SRGAP1: variants seen among roughly 807,000 people sequenced by gnomAD.
SRGAP1 encodes SLIT-ROBO Rho GTPase-activating protein 1.
In SRGAP1, 43 loss-of-function variants were observed where a neutral mutation model predicts 121.9. That is an observed-to-expected ratio of 0.35 (90% CI 0.28 to 0.46). The LOEUF is 0.46. Among genes scored for constraint, SRGAP1 ranks in the 20% least tolerant of loss-of-function variants. SRGAP1 has a pLI of 1.00. For missense variants in SRGAP1, 1,102 were observed against 1,350.9 expected (o/e 0.82, Z 2.89); for synonymous variants, 447 against 485.4 (o/e 0.92, Z 1.04).
chr12:63,877,387 T>C lies in SRGAP1; in HGVS notation c.67+32504T>C, dbSNP rs564181818. ...AGGTATTTTTTCCCTTTGGGAAAAT[T>C]TAAATGCACGTTGTTCTTCTGGAAA... On this transcript the variant is annotated intron_variant, in intron 1 of 21. Transcript: ENST00000355086. 5.3e-5 allele frequency among the ~76,000 whole-genome samples: 8 copies of C among 152,334 alleles called. No homozygotes were observed. The South Asian group carries it at 8.3e-4, about 16-fold the overall frequency.
intron 12 of SRGAP1, among the ~76,000 whole-genome samples, chr12:64,093,866 A>T (rs1358142626): frequency 6.6e-6 from 1 of 152,194 alleles, no homozygotes; most frequent in African/African-American, 2.4e-5. Flanking sequence ...TACCCATTCC[A>T]GGAATAGTAA....
At chr12:63,866,770 A>T (rs949769099) in intron 1 of SRGAP1, among the ~76,000 whole-genome samples, 4 of 150,882 alleles carry the variant, frequency 2.7e-5, no homozygotes, top group Non-Finnish European at 5.9e-5. Context: ...CATCTATACC[A>T]GTGCTACTCA....
At chr12:63,979,847 GGT>G (rs1352450210) in intron 1 of SRGAP1, among the ~76,000 whole-genome samples, 7 of 152,124 alleles carry the variant, frequency 4.6e-5, no homozygotes, top group Admixed American at 3.3e-4. Context: ...AGAATCTAGG[GGT>G]AGGAAGGAAG....
At chr12:63,904,757 C>G (rs529145633) in intron 1 of SRGAP1, among the ~76,000 whole-genome samples, 130 of 152,040 alleles carry the variant, frequency 8.6e-4, no homozygotes, top group African/African-American at 3.0e-3. Context: ...TTTGGGAGAC[C>G]CCCATCTCTA....
chr12:63,902,995 T>C (rs2030008042), intron 1 of SRGAP1, among the ~76,000 whole-genome samples: 1 of 152,202 alleles, frequency 6.6e-6, no homozygotes, highest in Admixed American at 6.5e-5. Flanking sequence ...ACAGAACATT[T>C]AGAACAATTT....
intron 1 of SRGAP1, chr12:63,888,386 G>A (rs1201640133): frequency 2.0e-5 from 3 of 152,040 alleles, no homozygotes; most frequent in African/African-American, 4.8e-5. Flanking sequence ...TCTGCATATA[G>A]AGATTAGCTC....
intron 6 of SRGAP1, among the ~76,000 whole-genome samples, chr12:64,045,549 C>T (rs2136510224): frequency 6.6e-6 from 1 of 152,040 alleles, no homozygotes; most frequent in South Asian, 2.1e-4. Context: ...AATTCTCCTG[C>T]CTCAGCCTCT....
chr12:64,128,964 A>C (rs1240384935), intron 21 of SRGAP1, among the ~76,000 whole-genome samples: 2 of 152,142 alleles, frequency 1.3e-5, no homozygotes, highest in Non-Finnish European at 2.9e-5. Context: ...AGCACAGGCC[A>C]TGAGAACATA....
At chr12:63,871,415 T>C (rs1182632664) in intron 1 of SRGAP1, among the ~76,000 whole-genome samples, 1 of 152,232 alleles carries the variant, frequency 6.6e-6, no homozygotes. Flanking sequence ...AATGGTTCAA[T>C]TTCCCTGCAA....
chr12:64,074,690 G>A (rs1193917877), intron 8 of SRGAP1, among the ~76,000 whole-genome samples: 1 of 151,992 alleles, frequency 6.6e-6, no homozygotes, highest in Non-Finnish European at 1.5e-5. Context: ...TTACATGTTT[G>A]TCAATTTCAA....
intron 1 of SRGAP1, among the ~76,000 whole-genome samples, chr12:63,925,480 A>G (rs2031223664): frequency 6.6e-6 from 1 of 152,218 alleles, no homozygotes; most frequent in Non-Finnish European, 1.5e-5. Context: ...TGCAGTGCAG[A>G]AGTCAAAATT....
At position 64,142,980 on chromosome 12, in the gene SRGAP1, C is replaced by T. The variant is rs1165754395; in HGVS notation, c.*308C>T. 5.3e-5 allele frequency: 16 copies of T among 304,534 alleles called. No homozygotes were observed. Among genetic ancestry groups the T allele is most frequent in the Non-Finnish European group, 9.3e-5 (15 of 161,700 alleles). 18.9% of individuals were successfully genotyped at this position (304,534 alleles called of 1,614,324 possible). On this transcript the variant is annotated 3_prime_UTR_variant, in exon 22 of 22. Transcript: ENST00000355086. ...CCGCTCTCCACATTGTACAGAGCTT[C>T]AGGTTTAATGTAGCCCAGCTGAGTC...
intron 10 of SRGAP1, among the ~76,000 whole-genome samples, chr12:64,084,385 G>A (rs1399248913): frequency 6.6e-6 from 1 of 152,114 alleles, no homozygotes; most frequent in Non-Finnish European, 1.5e-5. Flanking sequence ...TAATTAAGTA[G>A]CTTTCCAAAG....
At chr12:63,914,178 A>G (rs2030677647) in intron 1 of SRGAP1, among the ~76,000 whole-genome samples, 1 of 152,168 alleles carries the variant, frequency 6.6e-6, no homozygotes, top group African/African-American at 2.4e-5. Context: ...CAGTCATTGT[A>G]CTTATCATTA....
chr12:63,899,973 CA>C (rs1900881817), intron 1 of SRGAP1, among the ~76,000 whole-genome samples: 1 of 152,074 alleles, frequency 6.6e-6, no homozygotes, highest in African/African-American at 2.4e-5. Flanking sequence ...ATGTTACTGT[CA>C]AAAAACTTTC....
At chr12:64,066,074 G>A (rs1164567292) in intron 8 of SRGAP1, among the ~76,000 whole-genome samples, 1 of 152,162 alleles carries the variant, frequency 6.6e-6, no homozygotes, top group Non-Finnish European at 1.5e-5. Context: ...TAATTTACAG[G>A]AACACAAGTT....
In SRGAP1 at chr12:64,152,911, TAAAAAAAAA is replaced by T. The variant is rs57320190; in HGVS notation, c.*10256_*10264del. On this transcript the variant is annotated 3_prime_UTR_variant, in exon 22 of 22. Coordinates refer to ENST00000355086, the MANE Select transcript of SRGAP1 (RefSeq NM_020762.4). ...ATGGAGTGTACTTCCTGGTATGATT[TAAAAAAAAA>T]AAAAAAAAAAAAAAAACCACTACAT... 1.1e-5 allele frequency: 1 copy of T among 89,912 alleles called. No homozygotes were observed. The highest frequency in any genetic ancestry group is 1.4e-4 in the Admixed American group (1 of 7,400). 5.6% of individuals were successfully genotyped at this position (89,912 alleles called of 1,614,324 possible). A position where few individuals can be genotyped will look rare whatever the true frequency, so the allele number is the denominator to read the frequency against.
chr12:64,088,772 A>G (rs574329096), intron 11 of SRGAP1, among the ~76,000 whole-genome samples: 10 of 152,202 alleles, frequency 6.6e-5, no homozygotes, highest in Non-Finnish European at 1.3e-4. Flanking sequence ...CAGGCCTTTC[A>G]TAGAAGACTC....
intron 19 of SRGAP1, among the ~76,000 whole-genome samples, chr12:64,127,165 C>A (rs190901000): frequency 6.6e-6 from 1 of 152,194 alleles, no homozygotes; most frequent in Non-Finnish European, 1.5e-5. Context: ...GATGTTCCCA[C>A]AATGATGAGA....
Sources: gnomAD v4.1 joint callset for allele counts (sites outside exome capture counted in the v4.1 genomes callset) on GRCh38, gnomAD v4.1.1 for gene constraint, MANE v1.5 for transcripts, NCBI Gene and HGNC (gene_info 2026-07-23, HGNC 2026-07-21) for gene names.